Variants in GSK3B observed in about 807,000 individuals in gnomAD.
The protein encoded by GSK3B is glycogen synthase kinase-3 beta.
A neutral mutation model predicts 56.4 loss-of-function variants in GSK3B; 15 were observed. The observed-to-expected ratio is 0.27, with a 90% CI of 0.18 to 0.41. GSK3B has a LOEUF of 0.41. Among genes scored for constraint, GSK3B ranks in the 10% least tolerant of loss-of-function variants. The pLI is 1.00. For synonymous variants in GSK3B, 181 were observed against 188.9 expected, an observed-to-expected ratio of 0.96 and a Z score of 0.34; for missense variants, 300 against 513.4, an observed-to-expected ratio of 0.58 and a Z score of 4.02.
Position 120,079,347 on chromosome 3 carries a change from CACAT to C in GSK3B, c.88+13996_88+13999del, listed in dbSNP as rs752121690. Among the ~76,000 whole-genome samples the C allele has an allele frequency of 2.5e-4, 24 of 96,206 alleles. No homozygotes were observed. The East Asian group carries it at 2.6e-3, about 11-fold the overall frequency. The allele number at this position is 96,206 out of a possible 152,430, so 63.1% of individuals were successfully genotyped here. ...ACACACACACACACACACACACACA[CACAT>C]TTTTTTTTTTAATAAGTAGACTACT... On this transcript the variant is annotated intron_variant, in intron 1 of 10. Coordinates refer to ENST00000264235, the MANE Select transcript of GSK3B (RefSeq NM_001146156.2).
intron 2 of GSK3B, among the ~76,000 whole-genome samples, chr3:119,956,270 A>C (rs2057213671): frequency 6.6e-6 from 1 of 152,188 alleles, no homozygotes; most frequent in Non-Finnish European, 1.5e-5. Context: ...ACTCAGGGAC[A>C]CTGAAGCAGA....
chr3:119,922,226 G>GTGGGA (rs2056849042), intron 4 of GSK3B, among the ~76,000 whole-genome samples: 1 of 105,814 alleles, frequency 9.5e-6, no homozygotes, highest in Non-Finnish European at 1.9e-5. Context: ...AGGAAGGAAG[G>GTGGGA]AGGGAAGGAA....
chr3:120,083,458 G>C (rs555057321), intron 1 of GSK3B, among the ~76,000 whole-genome samples: 2 of 151,920 alleles, frequency 1.3e-5, no homozygotes, highest in African/African-American at 4.8e-5. Flanking sequence ...CTGATAAATT[G>C]GTACATTTGG....
intron 10 of GSK3B, among the ~76,000 whole-genome samples, chr3:119,831,214 C>A (rs1486170927): frequency 1.3e-5 from 2 of 152,126 alleles, no homozygotes; most frequent in Non-Finnish European, 2.9e-5. Context: ...GGAGAATAAT[C>A]CATCTTATGG....
intron 4 of GSK3B, among the ~76,000 whole-genome samples, chr3:119,921,178 G>T (rs1281785805): frequency 2.0e-5 from 3 of 152,110 alleles, no homozygotes; most frequent in African/African-American, 7.2e-5. Flanking sequence ...GGATGCTATG[G>T]AATAGACTAT....
intron 10 of GSK3B, among the ~76,000 whole-genome samples, chr3:119,828,572 T>C (rs79229949): frequency 0.027 from 4,036 of 152,274 alleles, 183 homozygotes; most frequent in African/African-American, 0.091. Flanking sequence ...CCATGTGCTA[T>C]GGTGAGTAGA....
At chr3:119,881,950 A>G (rs746146643) in intron 7 of GSK3B, among the ~76,000 whole-genome samples, 14 of 152,194 alleles carry the variant, frequency 9.2e-5, no homozygotes, top group Non-Finnish European at 1.9e-4. Flanking sequence ...TCCATGTAAT[A>G]TATGACTTTG....
intron 3 of GSK3B, among the ~76,000 whole-genome samples, chr3:119,946,351 T>C (rs2057099629): frequency 6.6e-6 from 1 of 151,932 alleles, no homozygotes; most frequent in Non-Finnish European, 1.5e-5. Context: ...AAAAGCTTAA[T>C]AGAAAATGGC....
At chr3:119,950,333 G>A (rs2057145470) in intron 2 of GSK3B, among the ~76,000 whole-genome samples, 2 of 152,162 alleles carry the variant, frequency 1.3e-5, no homozygotes, top group South Asian at 2.1e-4. Context: ...TATGAAGGAG[G>A]TTAAGATATG....
At chr3:119,920,575 G>A (rs1304864577) in intron 4 of GSK3B, among the ~76,000 whole-genome samples, 6 of 152,092 alleles carry the variant, frequency 3.9e-5, no homozygotes, top group African/African-American at 1.2e-4. Flanking sequence ...AAATTTGATT[G>A]TTCATCCCTA....
chr3:119,957,469 C>G (rs1369095274), intron 2 of GSK3B, among the ~76,000 whole-genome samples: 1 of 152,148 alleles, frequency 6.6e-6, no homozygotes, highest in East Asian at 1.9e-4. Flanking sequence ...AGATATAAAC[C>G]AGGTTCTTGA....
intron 8 of GSK3B, among the ~76,000 whole-genome samples, chr3:119,870,244 G>T (rs2056234768): frequency 6.6e-6 from 1 of 152,098 alleles, no homozygotes; most frequent in African/African-American, 2.4e-5. Flanking sequence ...TTACAGCACA[G>T]AATTAAGTAT....
chr3:120,028,919 C>T, intron 1 of GSK3B: 1 of 539,434 alleles, frequency 1.9e-6, no homozygotes, highest in Non-Finnish European at 3.5e-6. Context: ...AAGGCTGAAC[C>T]TCAAAGATCA....
intron 1 of GSK3B, among the ~76,000 whole-genome samples, chr3:120,062,259 TC>T (rs1207588059): frequency 1.3e-5 from 2 of 152,214 alleles, no homozygotes; most frequent in Non-Finnish European, 2.9e-5. Flanking sequence ...ACTCCAATAT[TC>T]ATAGTCAGAA....
Position 119,825,295 on chromosome 3 carries a change from C to A in GSK3B, c.*1493G>T, listed in dbSNP as rs1041704196. ...CTAGTCATGAAAATCTATTTCCTCACGGCAAACATAGTCCTTCAATTCTCC... is the reference window on the plus strand; with the variant it reads ...CTAGTCATGAAAATCTATTTCCTCAAGGCAAACATAGTCCTTCAATTCTCC... On this transcript the variant is annotated 3_prime_UTR_variant, in exon 11 of 11. Transcript: ENST00000264235. The A allele has an allele frequency of 1.3e-5, 3 of 229,152 alleles. No individual in the cohort carries two copies. The highest frequency in any genetic ancestry group is 6.7e-5 in the African/African-American group (3 of 45,076). 14.2% of individuals were successfully genotyped at this position (229,152 alleles called of 1,614,324 possible).
At chr3:119,866,294 T>C (rs2056181979) in intron 8 of GSK3B, among the ~76,000 whole-genome samples, 1 of 152,160 alleles carries the variant, frequency 6.6e-6, no homozygotes, top group Admixed American at 6.6e-5. Context: ...CACTCAGACC[T>C]TTGGTTTCAT....
intron 7 of GSK3B, among the ~76,000 whole-genome samples, chr3:119,888,688 G>C (rs2056467482): frequency 6.6e-6 from 1 of 152,092 alleles, no homozygotes; most frequent in Non-Finnish European, 1.5e-5. Flanking sequence ...CTGCAGGGTT[G>C]GGCAAAATAG....
intron 2 of GSK3B, among the ~76,000 whole-genome samples, chr3:119,968,392 CA>C (rs1243988415): frequency 5.9e-5 from 9 of 152,138 alleles, no homozygotes; most frequent in African/African-American, 2.2e-4. Flanking sequence ...AACACAGATT[CA>C]AAAATTTGCA....
chr3:120,086,530 G>A (rs1222402415), intron 1 of GSK3B, among the ~76,000 whole-genome samples: 2 of 152,154 alleles, frequency 1.3e-5, no homozygotes, highest in Admixed American at 6.5e-5. Context: ...GGGTGCAGTG[G>A]CTCATGACTG....
Sources: allele counts gnomAD v4.1 joint callset (sites outside exome capture counted in the v4.1 genomes callset), GRCh38; gene constraint gnomAD v4.1.1; transcripts MANE v1.5; gene names NCBI Gene and HGNC (gene_info 2026-07-23, HGNC 2026-07-21).